Variants in DGKB observed in about 807,000 individuals in gnomAD.
DGKB encodes 90 kDa diacylglycerol kinase.
DGKB carries 67 observed loss-of-function variants against 114.3 expected under a neutral mutation model. The ratio of observed to expected loss-of-function variants is 0.59; its 90% confidence interval spans 0.48 to 0.72. The LOEUF is 0.72. Among genes scored for constraint, DGKB ranks in the 30% least tolerant of loss-of-function variants. The pLI is 0.00. For synonymous variants in DGKB, 398 were observed against 323.1 expected (o/e 1.23, Z -2.49); for missense variants, 907 against 975.2 (o/e 0.93, Z 0.93).
At chr7:14,614,241 G>A (rs192278343) in intron 15 of DGKB, among the ~76,000 whole-genome samples, 53 of 152,248 alleles carry the variant, frequency 3.5e-4, no homozygotes, top group Middle Eastern at 3.4e-3. Context: ...GTGATAGCAC[G>A]TATTTTTGTG....
At chr7:14,591,549 T>A (rs1371203980) in intron 17 of DGKB, among the ~76,000 whole-genome samples, 1 of 152,108 alleles carries the variant, frequency 6.6e-6, no homozygotes, top group Non-Finnish European at 1.5e-5. Context: ...CTTCTTTTTT[T>A]ATCATATTTG....
intron 13 of DGKB, among the ~76,000 whole-genome samples, chr7:14,639,655 A>C (rs1811372606): frequency 6.6e-6 from 1 of 152,238 alleles, no homozygotes; most frequent in African/African-American, 2.4e-5. Context: ...CAAAGCCCTA[A>C]AGGTACGGGC....
At chr7:14,575,700 C>A (rs1799020914) in intron 19 of DGKB, among the ~76,000 whole-genome samples, 1 of 152,100 alleles carries the variant, frequency 6.6e-6, no homozygotes, top group African/African-American at 2.4e-5. Context: ...CTCTTTTCAC[C>A]CACACAAAAG....
intron 25 of DGKB, among the ~76,000 whole-genome samples, chr7:14,160,569 A>G (rs530682234): frequency 6.6e-6 from 1 of 152,336 alleles, no homozygotes; most frequent in South Asian, 2.1e-4. Context: ...AGGGATGTGA[A>G]GGGCCTCTTC....
At chr7:14,222,065 G>T (rs1416344743) in intron 23 of DGKB, among the ~76,000 whole-genome samples, 4 of 150,956 alleles carry the variant, frequency 2.6e-5, no homozygotes, top group African/African-American at 2.4e-5. Flanking sequence ...CTAGCTAAAG[G>T]TTTGTTAATT....
chr7:14,692,802 C>T (rs1430848666), intron 9 of DGKB, among the ~76,000 whole-genome samples: 2 of 151,778 alleles, frequency 1.3e-5, no homozygotes, highest in Non-Finnish European at 2.9e-5. Flanking sequence ...CCATGGGCCT[C>T]ATGAAAGGTA....
chr7:14,656,751 T>TACACACACACAC (rs10623353), intron 13 of DGKB, among the ~76,000 whole-genome samples: 18 of 127,706 alleles, frequency 1.4e-4, no homozygotes, highest in African/African-American at 5.3e-4. Context: ...ATATAGGATA[T>TACACACACACAC]ATACACACAC....
At chr7:14,743,407 C>A (rs914769373) in intron 4 of DGKB, among the ~76,000 whole-genome samples, 6 of 152,086 alleles carry the variant, frequency 3.9e-5, no homozygotes, top group Non-Finnish European at 8.8e-5. Flanking sequence ...ATCATTTTAA[C>A]AAAATAACCA....
Position 14,226,862 on chromosome 7 carries a change from T to C in DGKB, c.2123-48711A>G, listed in dbSNP as rs114878432. 7.0e-3 allele frequency among the ~76,000 whole-genome samples: 1,073 copies of C among 152,204 alleles called. 14 individuals are homozygous for C. The highest frequency in any genetic ancestry group is 0.025 in the African/African-American group (1,021 of 41,558). ...TTTTTAACATTTACTTTAAATTACA[T>C]AATTTTAAAGCTAGTAGTTTACAAG... On this transcript the variant is annotated intron_variant, in intron 23 of 25. Transcript: ENST00000402815.
In DGKB at chr7:14,244,323, C is replaced by T. The variant is rs1004629560; in HGVS notation, c.2123-66172G>A. Among the ~76,000 whole-genome samples the T allele has an allele frequency of 5.3e-5, 8 of 151,998 alleles. No individual in the cohort carries two copies. In the East Asian group the frequency reaches 5.8e-4, roughly 11 times the overall value. On this transcript the variant is annotated intron_variant, in intron 23 of 25. Transcript: ENST00000402815. ...TATAGACTGAATGCTTGCGTTCTTC[C>T]CAAATTCATCTGTTAAACCTGATCC...
At chr7:14,617,126 A>T (rs1174602916) in intron 15 of DGKB, among the ~76,000 whole-genome samples, 1 of 151,708 alleles carries the variant, frequency 6.6e-6, no homozygotes, top group African/African-American at 2.4e-5. Flanking sequence ...ATCTCATCTT[A>T]TCTGATGGCT....
intron 2 of DGKB, among the ~76,000 whole-genome samples, chr7:14,770,289 G>C (rs1292553703): frequency 6.6e-6 from 1 of 152,164 alleles, no homozygotes; most frequent in African/African-American, 2.4e-5. Flanking sequence ...GGACAAGAAG[G>C]TCAAGAATCG....
At chr7:14,260,756 A>G (rs1454842761) in intron 23 of DGKB, among the ~76,000 whole-genome samples, 1 of 152,210 alleles carries the variant, frequency 6.6e-6, no homozygotes, top group Non-Finnish European at 1.5e-5. Context: ...GTGGGATAAT[A>G]GTAACATTTT....
chr7:14,541,783 C>A (rs1213055560), intron 20 of DGKB, among the ~76,000 whole-genome samples: 4 of 152,154 alleles, frequency 2.6e-5, no homozygotes, highest in Non-Finnish European at 5.9e-5. Context: ...GACCTGCATT[C>A]CCAATTTGAC....
At position 14,574,349 on chromosome 7, in the gene DGKB, T is replaced by C. The variant is rs1370429957; in HGVS notation, c.1633A>G (p.Lys545Glu). 3 of 1,612,534 alleles carry C rather than the reference T, an allele frequency of 1.9e-6. No homozygotes were observed. The South Asian group carries it at 3.3e-5, about 18-fold the overall frequency. The change falls in exon 20 of 26, where the codon AAA (lysine) becomes GAA (glutamate). Residue 545 changes from lysine (K) to glutamate (E), a missense_variant. Lys to Glu is a moderately conservative substitution (Grantham distance 56). Coordinates refer to ENST00000402815, the MANE Select transcript of DGKB (RefSeq NM_001350709.2). ...GGGYEGENLMKILKDIENSTE... is the reference protein window; with the variant it reads ...GGGYEGENLMEILKDIENSTE... ...CTGTTTTCAATGTCTTTTAGAATTT[T>C]CATCAGATTCTCACCTTCGTAACCT...
chr7:14,562,701 G>T (rs1490995370), intron 20 of DGKB, among the ~76,000 whole-genome samples: 1 of 152,144 alleles, frequency 6.6e-6, no homozygotes, highest in African/African-American at 2.4e-5. Flanking sequence ...TGGAATGAGT[G>T]TATTTACCCA....
At chr7:14,418,392 T>TATATATATAC (rs1554421158) in intron 21 of DGKB, among the ~76,000 whole-genome samples, 21 of 137,074 alleles carry the variant, frequency 1.5e-4, no homozygotes, top group African/African-American at 5.0e-4. Flanking sequence ...TATATATATA[T>TATATATATAC]ACACACACAC....
intron 1 of DGKB, among the ~76,000 whole-genome samples, chr7:14,943,453 C>T (rs529359436): frequency 1.3e-5 from 2 of 151,940 alleles, no homozygotes; most frequent in African/African-American, 4.8e-5. Flanking sequence ...TCATGGACCA[C>T]TCCACTAGAT....
At chr7:14,395,251 T>C (rs1204189005) in intron 21 of DGKB, among the ~76,000 whole-genome samples, 1 of 152,110 alleles carries the variant, frequency 6.6e-6, no homozygotes, top group Non-Finnish European at 1.5e-5. Flanking sequence ...TGATTTATGG[T>C]AATGAATACA....
Sources: gnomAD v4.1 joint callset for allele counts (sites outside exome capture counted in the v4.1 genomes callset) on GRCh38, gnomAD v4.1.1 for gene constraint, MANE v1.5 for transcripts, NCBI Gene and HGNC (gene_info 2026-07-23, HGNC 2026-07-21) for gene names.